Variants in IL4R observed in about 807,000 individuals in gnomAD.
IL4R encodes the protein interleukin-4 receptor subunit alpha.
In IL4R, 17 loss-of-function variants were observed where a neutral mutation model predicts 41.5. That is an observed-to-expected ratio of 0.41 (90% CI 0.28 to 0.61). The LOEUF is 0.61. Among genes scored for constraint, IL4R ranks in the 20% least tolerant of loss-of-function variants. The pLI is 0.31. For missense variants in IL4R, 974 were observed against 1,043.1 expected (o/e 0.93, Z 0.91); for synonymous variants, 402 against 422.9 (o/e 0.95, Z 0.61).
chr16:27,347,018 C>T (rs1483802147), intron 6 of IL4R, among the ~76,000 whole-genome samples: 2 of 152,176 alleles, frequency 1.3e-5, no homozygotes, highest in Non-Finnish European at 2.9e-5. Context: ...TTGAGGCCAA[C>T]GGGTTAAGGA....
intron 2 of IL4R, among the ~76,000 whole-genome samples, chr16:27,337,221 C>T (rs2085287618): frequency 6.6e-6 from 1 of 152,100 alleles, no homozygotes; most frequent in African/African-American, 2.4e-5. Context: ...TTCAAGTGTG[C>T]CCAAGTCACT....
intron 8 of IL4R, among the ~76,000 whole-genome samples, chr16:27,356,441 A>G (rs531606970): frequency 1.3e-5 from 2 of 152,280 alleles, no homozygotes; most frequent in South Asian, 2.1e-4. Flanking sequence ...CTGAAAATAC[A>G]TATCAATCAC....
chr16:27,342,237 C>A lies in IL4R; in HGVS notation c.187C>A (p.Gln63Lys). 6.2e-7 allele frequency: 1 copy of A among 1,614,162 alleles called. No homozygotes were observed. Among genetic ancestry groups the A allele is most frequent in the African/African-American group, 1.3e-5 (1 of 75,046 alleles). The change falls in exon 4 of 11, where the codon CAG (glutamine) becomes AAG (lysine). Residue 63 changes from glutamine to lysine, a missense_variant. Coordinates refer to ENST00000395762, the MANE Select transcript of IL4R (RefSeq NM_000418.4). Reference protein sequence around the residue: ...NCSTELRLLYQLVFLLSEAHT... With the variant: ...NCSTELRLLYKLVFLLSEAHT... ...CAGCACCGAGCTCCGCCTGTTGTAC[C>A]AGCTGGTTTTTCTGCTCTCCGAGTA...
rs754877870 is a variant in IL4R, at chr16:27,352,689, G to A, written c.663G>A (p.Trp221Ter). ...TWSEWSPSTKWHNSYREPFEQ... is the reference protein window; with the variant it reads ...TWSEWSPSTK ...GTGAGTGGAGCCCCAGCACCAAGTG[G>A]CACAACTGTGAGTATCAAGAGGCCT... The change falls in exon 7 of 11, where the codon TGG becomes TGA. Residue 221 changes from tryptophan to a stop codon, truncating the protein, a stop_gained. Transcript: ENST00000395762. LOFTEE classifies it high-confidence loss of function. 1.9e-6 allele frequency: 3 copies of A among 1,613,966 alleles called. No individual in the cohort carries two copies. In the African/African-American group the frequency reaches 4.0e-5, roughly 22 times the overall value.
chr16:27,364,009 C>G lies in IL4R; in HGVS notation c.*179C>G. ...TAACACTGGGCTGCAGAGACTGGAC[C>G]CCGCCCAGCATTGGGCTGGGCTCGC... On this transcript the variant is annotated 3_prime_UTR_variant, in exon 11 of 11. Transcript: ENST00000395762. The G allele has an allele frequency of 1.4e-6, 1 of 701,306 alleles. No homozygotes were observed. Among genetic ancestry groups the G allele is most frequent in the South Asian group, 1.9e-5 (1 of 53,198 alleles). 43.4% of individuals were successfully genotyped at this position (701,306 alleles called of 1,614,324 possible).
rs764703501 is a variant in IL4R at position 27,362,891 on chromosome 16, G to C, written c.1539G>C (p.Leu513=). Residue 513 remains leucine (L), a synonymous_variant, in exon 11 of 11, where the codon CTG becomes CTC. Coordinates refer to ENST00000395762, the MANE Select transcript of IL4R (RefSeq NM_000418.4). The stretch of plus-strand genomic sequence containing the variant: ...GCCAGTCACCGTGTCCCAGAGAGCT[G>C]GGTCCAGACCCACTGCTGGCCAGAC... ...SLSQSPCPRE[L]GPDPLLARHL... is the part of the protein sequence containing the mutation. 2.5e-6 allele frequency: 4 copies of C among 1,614,032 alleles called. No homozygotes were observed. The highest frequency in any genetic ancestry group is 3.4e-6 in the Non-Finnish European group (4 of 1,180,046).
chr16:27,355,557 A>C, intron 7 of IL4R: 3 of 452,808 alleles, frequency 6.6e-6, no homozygotes, highest in Non-Finnish European at 1.2e-5. Context: ...CCGGAAAGAA[A>C]GAGCAGCAAG....
intron 1 of IL4R, among the ~76,000 whole-genome samples, chr16:27,329,634 G>A (rs941116241): frequency 3.4e-5 from 5 of 146,010 alleles, no homozygotes; most frequent in Admixed American, 7.0e-5. Flanking sequence ...CCGACATCAC[G>A]CCACTGCTCT....
chr16:27,329,512 C>T (rs1265494878), intron 1 of IL4R, among the ~76,000 whole-genome samples: 1 of 151,814 alleles, frequency 6.6e-6, no homozygotes, highest in Admixed American at 6.6e-5. Flanking sequence ...CCTGTCTCTA[C>T]TAAAAACACA....
intron 2 of IL4R, among the ~76,000 whole-genome samples, chr16:27,330,574 G>A (rs1002273972): frequency 2.0e-5 from 3 of 151,956 alleles, no homozygotes; most frequent in Admixed American, 1.3e-4. Flanking sequence ...TTGTGTTTGC[G>A]TACGCATGTG....
intron 4 of IL4R, among the ~76,000 whole-genome samples, chr16:27,344,314 AC>A (rs1180181112): frequency 2.6e-5 from 4 of 151,464 alleles, no homozygotes; most frequent in Non-Finnish European, 4.4e-5. Context: ...GGAAAAAAAA[AC>A]AAAAACAAAA....
At chr16:27,357,040 A>G (rs1404703195) in intron 8 of IL4R, among the ~76,000 whole-genome samples, 1 of 152,082 alleles carries the variant, frequency 6.6e-6, no homozygotes, top group Non-Finnish European at 1.5e-5. Flanking sequence ...CTAAGTCAGG[A>G]TTAGAGGTGG....
intron 1 of IL4R, among the ~76,000 whole-genome samples, chr16:27,315,906 C>A (rs940020783): frequency 5.9e-5 from 9 of 152,172 alleles, no homozygotes; most frequent in African/African-American, 2.2e-4. Context: ...ACAACACATG[C>A]AGTTACCGGC....
chr16:27,359,894 G>A (rs1258926039), intron 9 of IL4R: 8 of 449,050 alleles, frequency 1.8e-5, no homozygotes, highest in Non-Finnish European at 3.2e-5. Context: ...TCTGCAGGCT[G>A]GCATTTGGGG....
At chr16:27,329,586 A>G (rs547085812) in intron 1 of IL4R, among the ~76,000 whole-genome samples, 38 of 151,846 alleles carry the variant, frequency 2.5e-4, no homozygotes, top group African/African-American at 8.9e-4. Context: ...CTGAGACACA[A>G]GAATCGCTTG....
intron 6 of IL4R, among the ~76,000 whole-genome samples, chr16:27,350,990 T>C (rs2085848298): frequency 6.6e-6 from 1 of 152,198 alleles, no homozygotes; most frequent in Non-Finnish European, 1.5e-5. Context: ...GCTTCACAGC[T>C]TTAAACAACA....
rs536566588 is a variant in IL4R, at chr16:27,339,263, C to T, written c.-18-923C>T. On this transcript the variant is annotated intron_variant, in intron 2 of 10. Transcript: ENST00000395762. Reference sequence around the variant, plus strand: ...CTCCAAGTGATCCACCCCACCTTCCCGAGTAGCTGGGACTAGAGATGCACA... The same window carrying T: ...CTCCAAGTGATCCACCCCACCTTCCTGAGTAGCTGGGACTAGAGATGCACA... 3.9e-5 allele frequency among the ~76,000 whole-genome samples: 6 copies of T among 152,232 alleles called. No homozygotes were observed. In the East Asian group the frequency reaches 7.7e-4, roughly 20 times the overall value.
In IL4R at chr16:27,345,343, A is replaced by G; in HGVS notation, c.361+323A>G. ...CTGCTGATTGAAAACCGAACTGGGA[A>G]CATTCCTTCCATTCTGTGTCCACTG... On this transcript the variant is annotated intron_variant, in intron 5 of 10. Coordinates refer to ENST00000395762, the MANE Select transcript of IL4R (RefSeq NM_000418.4). The surrounding 1 kb of genome is among the most constrained non-coding windows in gnomAD (Gnocchi z 4.5). The G allele has an allele frequency of 4.4e-6, 2 of 456,902 alleles. No individual in the cohort carries two copies. The highest frequency in any genetic ancestry group is 3.6e-5 in the South Asian group (2 of 55,560). 28.3% of individuals were successfully genotyped at this position (456,902 alleles called of 1,614,324 possible). A position where few individuals can be genotyped will look rare whatever the true frequency, so the allele number is the denominator to read the frequency against.
chr16:27,351,682 T>G (rs934995912), intron 6 of IL4R, among the ~76,000 whole-genome samples: 6 of 152,018 alleles, frequency 3.9e-5, no homozygotes, highest in Non-Finnish European at 5.9e-5. Context: ...ACCCAGCTAA[T>G]TTTTGTATTT....
Sources: gnomAD v4.1 joint callset for allele counts (sites outside exome capture counted in the v4.1 genomes callset) on GRCh38, gnomAD v4.1.1 for gene constraint, Gnocchi (gnomAD v3.1) non-coding constraint, MANE v1.5 for transcripts, NCBI Gene and HGNC (gene_info 2026-07-23, HGNC 2026-07-21) for gene names.